The following NUP58 variants were observed in gnomAD, a reference collection of about 807,000 sequenced individuals.
NUP58 encodes nucleoporin p58/p45.
Under a neutral mutation model 70.1 loss-of-function variants are expected in NUP58, and 17 were observed. The ratio of observed to expected loss-of-function variants is 0.24; its 90% CI spans 0.17 to 0.36. The LOEUF (loss-of-function observed/expected upper bound fraction) is 0.36. Ranked by LOEUF, NUP58 falls within the 10% of genes least tolerant of loss-of-function variation. NUP58 has a pLI of 1.00. For synonymous variants in NUP58, 275 were observed against 257.6 expected (o/e 1.07, Z -0.65); for missense variants, 644 against 701.5 (o/e 0.92, Z 0.93).
At chr13:25,318,051 C>T (rs1490899718) in intron 6 of NUP58, among the ~76,000 whole-genome samples, 1 of 151,752 alleles carries the variant, frequency 6.6e-6, no homozygotes, top group East Asian at 1.9e-4. Context: ...ATTTTTTGGC[C>T]AGGCGCAGTG....
intron 9 of NUP58, among the ~76,000 whole-genome samples, chr13:25,321,746 G>A (rs545822062): frequency 3.9e-4 from 60 of 152,094 alleles, no homozygotes; most frequent in African/African-American, 1.4e-3. Flanking sequence ...CTGAAATCCC[G>A]TCTCTACTAA....
At position 25,334,021 on chromosome 13, in the gene NUP58, G is replaced by A. The variant is rs985457592; in HGVS notation, c.1435+2463G>A. 5 of 985,056 alleles carry A rather than the reference G, an allele frequency of 5.1e-6. No individual in the cohort carries two copies. In the African/African-American group the frequency reaches 5.2e-5, roughly 10 times the overall value. The allele number at this position is 985,056 out of a possible 1,614,324, so 61.0% of individuals were successfully genotyped here. ...CAGAGGAGGAGGAATAGACTTAAAC[G>A]ACTTCTTTGTCCTCCTTCAATTTTT... On this transcript the variant is annotated intron_variant, in intron 13 of 15. Coordinates refer to ENST00000381736, the MANE Select transcript of NUP58 (RefSeq NM_014089.4).
chr13:25,332,865 A>G (rs915785900), intron 13 of NUP58: 3 of 985,156 alleles, frequency 3.0e-6, no homozygotes, highest in East Asian at 1.1e-4. Flanking sequence ...AAAGGATTCA[A>G]TCCCATAATT....
intron 13 of NUP58, chr13:25,332,297 A>T: frequency 1.0e-6 from 1 of 985,442 alleles, no homozygotes; most frequent in Non-Finnish European, 1.2e-6. Flanking sequence ...CTAATTAGAG[A>T]AACATTTTTT....
At chr13:25,331,028 T>G (rs1290842591) in intron 12 of NUP58, among the ~76,000 whole-genome samples, 2 of 152,226 alleles carry the variant, frequency 1.3e-5, no homozygotes, top group Non-Finnish European at 2.9e-5. Context: ...ATTTTTAAAT[T>G]CTTTTCATCC....
At chr13:25,306,301 A>G (rs994217512) in intron 1 of NUP58, among the ~76,000 whole-genome samples, 9 of 146,650 alleles carry the variant, frequency 6.1e-5, no homozygotes, top group African/African-American at 2.0e-4. Flanking sequence ...GCTACTCCGG[A>G]GGCTGAGGTA....
intron 6 of NUP58, among the ~76,000 whole-genome samples, chr13:25,318,307 A>G (rs2031030409): frequency 6.6e-6 from 1 of 152,076 alleles, no homozygotes; most frequent in South Asian, 2.1e-4. Flanking sequence ...CAGCCTGGGC[A>G]CTAGAGTGAG....
intron 13 of NUP58, chr13:25,331,936 T>G: frequency 4.7e-6 from 5 of 1,069,926 alleles, no homozygotes; most frequent in Non-Finnish European, 5.7e-6. Flanking sequence ...CTTTGAATTT[T>G]TCATATATGA....
chr13:25,333,258 G>T (rs2031672253), intron 13 of NUP58: 4 of 985,222 alleles, frequency 4.1e-6, no homozygotes, highest in Non-Finnish European at 4.8e-6. Flanking sequence ...TGCCTACTAT[G>T]TGCTGGGCTC....
At chr13:25,315,620 A>G (rs2030892600) in intron 6 of NUP58, among the ~76,000 whole-genome samples, 153 bp downstream of exon 6, 1 of 152,210 alleles carries the variant, frequency 6.6e-6, no homozygotes, top group African/African-American at 2.4e-5. Flanking sequence ...ATTTTTTAAT[A>G]GGGATCATGA....
chr13:25,340,055 C>T lies in NUP58; in HGVS notation c.1721C>T (p.Ala574Val). The T allele has an allele frequency of 2.5e-6, 4 of 1,613,860 alleles. No homozygotes were observed. The highest frequency in any genetic ancestry group is 3.4e-6 in the Non-Finnish European group (4 of 1,179,892). Residue 574 changes from alanine to valine, a missense_variant, in exon 16 of 16, where the codon GCC (alanine) becomes GTC (valine). Transcript: ENST00000381736. ...TTGACTTTTGGGGTGTCCAATCCTG[C>T]CTCTGCAGGTTTTGGAACAGGAGGA... ...AGLTFGVSNP[A>V]SAGFGTGGQL...
intron 9 of NUP58, among the ~76,000 whole-genome samples, chr13:25,323,503 C>T (rs766309063): frequency 1.4e-4 from 22 of 151,912 alleles, no homozygotes; most frequent in Non-Finnish European, 2.5e-4. Flanking sequence ...TAGCTAGGAA[C>T]TAATACTCTA....
chr13:25,327,708 C>T (rs553882360), intron 12 of NUP58, among the ~76,000 whole-genome samples, 196 bp downstream of exon 12: 6 of 152,230 alleles, frequency 3.9e-5, no homozygotes, highest in Middle Eastern at 3.4e-3. Context: ...GATCCAAGTA[C>T]GCTGTAGTCT....
intron 13 of NUP58, chr13:25,335,619 G>T: frequency 9.1e-6 from 9 of 984,684 alleles, no homozygotes; most frequent in Non-Finnish European, 1.1e-5. Flanking sequence ...AATTCTGGCT[G>T]CTATTAGTTA....
At chr13:25,324,192 A>G (rs1005792287) in intron 9 of NUP58, among the ~76,000 whole-genome samples, 2 of 152,130 alleles carry the variant, frequency 1.3e-5, no homozygotes, top group African/African-American at 4.8e-5. Context: ...AGTGAAAAGG[A>G]TGTAGAAAAA....
In NUP58 at chr13:25,341,435, G is replaced by A. The variant is rs1486018258; in HGVS notation, c.*1301G>A. The A allele has an allele frequency of 6.6e-6, 1 of 152,538 alleles. No homozygotes were observed. The highest frequency in any genetic ancestry group is 6.5e-5 in the Admixed American group (1 of 15,272). The allele number at this position is 152,538 out of a possible 1,614,324, so 9.4% of individuals were successfully genotyped here. The stretch of plus-strand genomic sequence containing the variant: ...ACTTTTCTAGCTATTCCAATACAGA[G>A]TTCTTTCTTATAGGGCTATTGATAT... On this transcript the variant is annotated 3_prime_UTR_variant, in exon 16 of 16. Coordinates refer to ENST00000381736, the MANE Select transcript of NUP58 (RefSeq NM_014089.4).
intron 1 of NUP58, among the ~76,000 whole-genome samples, chr13:25,305,134 T>TG (rs2030262143): frequency 1.2e-4 from 1 of 8,258 alleles, no homozygotes; most frequent in African/African-American, 1.6e-4. Context: ...TGTGGGGTTT[T>TG]TTTTTTTTTT....
In NUP58 at chr13:25,335,329, T is replaced by C. The variant is rs554639906; in HGVS notation, c.1436-1607T>C. The stretch of plus-strand genomic sequence containing the variant: ...AAAAGCATGCTATTTGAGTAACTCT[T>C]ACGACTTACAAGGCTGAGGGCTGTG... On this transcript the variant is annotated intron_variant, in intron 13 of 15. Coordinates refer to ENST00000381736, the MANE Select transcript of NUP58 (RefSeq NM_014089.4). The C allele has an allele frequency of 2.5e-5, 25 of 985,406 alleles. No individual in the cohort carries two copies. In the African/African-American group the frequency reaches 3.7e-4, roughly 14 times the overall value. 61.0% of individuals were successfully genotyped at this position (985,406 alleles called of 1,614,324 possible). A position where few individuals can be genotyped will look rare whatever the true frequency, so the allele number is the denominator to read the frequency against.
intron 13 of NUP58, chr13:25,336,462 G>C (rs927167388): frequency 2.5e-5 from 10 of 397,950 alleles, no homozygotes; most frequent in African/African-American, 1.9e-4. Flanking sequence ...TGCCATGTTA[G>C]TGTCAGTCTC....
Sources: gnomAD v4.1 joint callset for allele counts (sites outside exome capture counted in the v4.1 genomes callset) on GRCh38, gnomAD v4.1.1 for gene constraint, MANE v1.5 for transcripts, NCBI Gene and HGNC (gene_info 2026-07-23, HGNC 2026-07-21) for gene names.